The following NRIP1 variants were observed in gnomAD, a reference collection of about 807,000 sequenced individuals.
NRIP1 encodes nuclear receptor-interacting protein 1.
Under a neutral mutation model 75.0 loss-of-function variants are expected in NRIP1, and 28 were observed. The ratio of observed to expected loss-of-function variants is 0.37; its 90% confidence interval spans 0.28 to 0.51. The LOEUF (loss-of-function observed/expected upper bound fraction) is 0.51, where lower values mean the gene tolerates loss of function less well. Ranked by LOEUF, NRIP1 falls within the 20% of genes least tolerant of loss-of-function variation. NRIP1 has a pLI of 0.92. For missense variants in NRIP1, 1,435 were observed against 1,343.7 expected (o/e 1.07, Z -1.06); for synonymous variants, 526 against 487.6 (o/e 1.08, Z -1.04).
At chr21:15,029,524 T>C (rs930781396) in intron 2 of NRIP1, among the ~76,000 whole-genome samples, 1 of 152,212 alleles carries the variant, frequency 6.6e-6, no homozygotes, top group Non-Finnish European at 1.5e-5. Context: ...ATACCATAAA[T>C]TGAATTGCTT....
intron 1 of NRIP1, chr21:15,050,768 C>T (rs924921635): frequency 2.2e-5 from 10 of 455,948 alleles, no homozygotes; most frequent in South Asian, 4.6e-5. Context: ...GGCCAGCCAA[C>T]GCTTAGAGAA....
At chr21:15,034,535 C>T (rs2088788482) in intron 2 of NRIP1, among the ~76,000 whole-genome samples, 1 of 152,180 alleles carries the variant, frequency 6.6e-6, no homozygotes, top group Admixed American at 6.5e-5. Flanking sequence ...CTCCTATGTA[C>T]CACCTTGCTT....
At position 14,966,123 on chromosome 21, in the gene NRIP1, T is replaced by C. The variant is rs775277808; in HGVS notation, c.2070A>G (p.Gln690=). The C allele has an allele frequency of 2.3e-5, 37 of 1,612,590 alleles. No individual in the cohort carries two copies. In the South Asian group the frequency reaches 2.6e-4, roughly 11 times the overall value. The change falls in exon 4 of 4, where the codon CAA becomes CAG. Residue 690 remains glutamine (Q), a synonymous_variant. Transcript: ENST00000318948. ...AAAGCCCTGGTTCAGGACCTGTTGG[T>C]TGACTACTAAATGCTTTATTTTCTT... is the stretch of plus-strand genomic sequence containing the variant. ...AVEENKAFSS[Q]PTGPEPGLSG... is the part of the protein sequence containing the mutation.
intron 1 of NRIP1, among the ~76,000 whole-genome samples, chr21:15,057,746 T>A (rs1009243326): frequency 1.6e-4 from 25 of 152,216 alleles, no homozygotes; most frequent in African/African-American, 6.0e-4. Context: ...ACAGGCAAGT[T>A]AACTATTCTT....
At chr21:14,996,723 G>A (rs2087738104) in intron 3 of NRIP1, among the ~76,000 whole-genome samples, 2 of 151,988 alleles carry the variant, frequency 1.3e-5, no homozygotes, top group African/African-American at 4.8e-5. Flanking sequence ...CTGAGATACC[G>A]AATTTTTGCT....
intron 3 of NRIP1, among the ~76,000 whole-genome samples, chr21:14,971,186 G>A (rs921007460): frequency 6.6e-6 from 1 of 152,194 alleles, no homozygotes; most frequent in African/African-American, 2.4e-5. Flanking sequence ...TCTGAGGACT[G>A]TGCTAATTAT....
intron 1 of NRIP1, among the ~76,000 whole-genome samples, chr21:15,047,518 C>T (rs1375073320): frequency 2.6e-5 from 4 of 152,066 alleles, no homozygotes; most frequent in African/African-American, 4.8e-5. Context: ...CCAGCCTGGG[C>T]GGCAGAGCGA....
chr21:14,987,110 C>G (rs1160653573), intron 3 of NRIP1, among the ~76,000 whole-genome samples: 2 of 152,148 alleles, frequency 1.3e-5, no homozygotes, highest in East Asian at 3.8e-4. Flanking sequence ...CCAAGGTGGT[C>G]TTTTGGAGAC....
At chr21:15,012,722 A>G (rs1273788692) in intron 3 of NRIP1, among the ~76,000 whole-genome samples, 2 of 152,104 alleles carry the variant, frequency 1.3e-5, no homozygotes, top group African/African-American at 2.4e-5. Flanking sequence ...AAGTGCTGGG[A>G]TTACAGGTGT....
intron 3 of NRIP1, among the ~76,000 whole-genome samples, chr21:15,006,330 A>T (rs1390887544): frequency 6.6e-6 from 1 of 152,228 alleles, no homozygotes; most frequent in Non-Finnish European, 1.5e-5. Context: ...AGGGTGTTTG[A>T]TTCTTCCCTG....
intron 3 of NRIP1, among the ~76,000 whole-genome samples, chr21:14,998,516 T>G (rs2087782965): frequency 6.6e-6 from 1 of 152,200 alleles, no homozygotes; most frequent in Admixed American, 6.5e-5. Flanking sequence ...AGATACCAAA[T>G]GTCAACAGAC....
At chr21:14,975,661 G>C (rs564348628) in intron 3 of NRIP1, among the ~76,000 whole-genome samples, 118 of 121,372 alleles carry the variant, frequency 9.7e-4, no homozygotes, top group African/African-American at 3.9e-3. Flanking sequence ...AAGGAAGGGA[G>C]AGAGAGAGAG....
rs17000905 is a variant in NRIP1, at chr21:15,050,429, T to C, written c.-537-6855A>G. On this transcript the variant is annotated intron_variant, in intron 1 of 3. Transcript: ENST00000318948. ...ATGAGGACAATGTCTGAAGATTTCA[T>C]ACACATAATATTGGGATCTTCCCTT... 4.1e-3 allele frequency: 1,217 copies of C among 294,602 alleles called. 12 individuals are homozygous for C. Among genetic ancestry groups the C allele is most frequent in the African/African-American group, 0.025 (1,125 of 45,260 alleles). 18.2% of individuals were successfully genotyped at this position (294,602 alleles called of 1,614,324 possible). A position where few individuals can be genotyped will look rare whatever the true frequency, so the allele number is the denominator to read the frequency against.
At chr21:15,024,411 AGT>A (rs1196145128) in intron 2 of NRIP1, among the ~76,000 whole-genome samples, 13 of 151,642 alleles carry the variant, frequency 8.6e-5, no homozygotes, top group East Asian at 3.9e-4. Context: ...GTGTGGTGGC[AGT>A]CACCTGTAAT....
chr21:15,061,487 G>A (rs1043631874), intron 1 of NRIP1, among the ~76,000 whole-genome samples: 2 of 152,104 alleles, frequency 1.3e-5, no homozygotes, highest in African/African-American at 2.4e-5. Flanking sequence ...GAGCAAGGGA[G>A]GGAGGGAAAT....
At chr21:15,002,667 T>C (rs1377523767) in intron 3 of NRIP1, among the ~76,000 whole-genome samples, 5 of 152,222 alleles carry the variant, frequency 3.3e-5, no homozygotes, top group African/African-American at 9.6e-5. Flanking sequence ...ACGAGAATCA[T>C]GATCAGTCTT....
At chr21:15,042,054 G>A (rs2088966706) in intron 2 of NRIP1, among the ~76,000 whole-genome samples, 1 of 152,122 alleles carries the variant, frequency 6.6e-6, no homozygotes, top group Non-Finnish European at 1.5e-5. Context: ...AATGCAGCAT[G>A]CTGGGGAGAC....
At chr21:15,002,151 CAATACAATA>C (rs2087862798) in intron 3 of NRIP1, 2 of 152,098 alleles carry the variant, frequency 1.3e-5, no homozygotes, top group African/African-American at 4.8e-5. Flanking sequence ...TCACAATATG[CAATACAATA>C]AAACAGATTA....
At chr21:15,050,494 C>A (rs1322306711) in intron 1 of NRIP1, 1 of 325,696 alleles carries the variant, frequency 3.1e-6, no homozygotes, top group Non-Finnish European at 6.0e-6. Context: ...ATTTCTATAA[C>A]CAAAACGTAG....
Sources: allele counts gnomAD v4.1 joint callset (sites outside exome capture counted in the v4.1 genomes callset), GRCh38; gene constraint gnomAD v4.1.1; transcripts MANE v1.5; gene names NCBI Gene and HGNC (gene_info 2026-07-23, HGNC 2026-07-21).